TCP11L1: variants seen among roughly 807,000 people sequenced by gnomAD.
The protein encoded by TCP11L1 is T-complex protein 11-like protein 1.
In TCP11L1, 28 loss-of-function variants were observed where a neutral mutation model predicts 48.9. The ratio of observed to expected loss-of-function variants is 0.57; its 90% confidence interval spans 0.42 to 0.78. TCP11L1 has a LOEUF of 0.78. Ranked by LOEUF, TCP11L1 falls within the 30% of genes least tolerant of loss-of-function variation. The pLI is 0.00. For synonymous variants in TCP11L1, 204 were observed against 231.9 expected (o/e 0.88, Z 1.09); for missense variants, 505 against 613.4 (o/e 0.82, Z 1.87).
rs1384732421 is a variant in TCP11L1, at chr11:33,068,758, C to T, written c.1226C>T (p.Ser409Phe). ...TGCCTGGAGGTGAGCAGCTGCCTCT[C>T]CCTGTGTGGGTCCTCTCCCTTCACC... ...KVCLEVSSCLSLCGSSPFTTD... is the reference protein window; with the variant it reads ...KVCLEVSSCLFLCGSSPFTTD... The change falls in exon 9 of 10, where the codon TCC becomes TTC. Residue 409 changes from serine to phenylalanine, a missense_variant. Physicochemically the swap from Ser to Phe is radical, Grantham distance 155. This residue lies in a region of TCP11L1 where 335 missense variants were observed against 413.3 expected (regional missense o/e 0.81). Transcript: ENST00000334274. 6.2e-7 allele frequency: 1 copy of T among 1,614,174 alleles called. No individual in the cohort carries two copies. The highest frequency in any genetic ancestry group is 1.1e-5 in the South Asian group (1 of 91,076).
intron 9 of TCP11L1, among the ~76,000 whole-genome samples, chr11:33,069,161 C>T (rs1854704630): frequency 6.6e-6 from 1 of 152,184 alleles, no homozygotes; most frequent in South Asian, 2.1e-4. Flanking sequence ...GGAATAAGGG[C>T]AGCAACCTTA....
intron 2 of TCP11L1, among the ~76,000 whole-genome samples, chr11:33,047,929 A>G (rs1276742605): frequency 6.6e-6 from 1 of 152,210 alleles, no homozygotes; most frequent in African/African-American, 2.4e-5. Flanking sequence ...AACTAACAGC[A>G]TCTTTTCAGA....
intron 2 of TCP11L1, among the ~76,000 whole-genome samples, 177 bp from the exon 3 acceptor site, chr11:33,054,416 C>G (rs908420524): frequency 6.6e-6 from 1 of 152,042 alleles, no homozygotes; most frequent in Admixed American, 6.6e-5. Flanking sequence ...TTTTAGGATT[C>G]AAGGGTAAAA....
At chr11:33,050,654 A>G (rs1854132327) in intron 2 of TCP11L1, among the ~76,000 whole-genome samples, 1 of 151,798 alleles carries the variant, frequency 6.6e-6, no homozygotes, top group South Asian at 2.1e-4. Context: ...AAAACAAATA[A>G]CAAAAAAACC....
At position 33,057,124 on chromosome 11, in the gene TCP11L1, G is replaced by T. The variant is rs1361892769; in HGVS notation, c.306G>T (p.Lys102Asn). 3 of 1,613,210 alleles carry T rather than the reference G, an allele frequency of 1.9e-6. No homozygotes were observed. Among genetic ancestry groups the T allele is most frequent in the Admixed American group, 1.7e-5 (1 of 59,922 alleles). Residue 102 changes from lysine to asparagine, a missense_variant, in exon 4 of 10, where the codon AAG becomes AAT. Coordinates refer to ENST00000334274, the MANE Select transcript of TCP11L1 (RefSeq NM_018393.4). ...PVELPENSLK[K>N]RVKEIVHKAF... is the part of the protein sequence containing the mutation. ...TTTTTCACTGCCCCAGCTTGAAGAAGAGAGTAAAGGAGATTGTACATAAAG... is the reference window on the plus strand; with the variant it reads ...TTTTTCACTGCCCCAGCTTGAAGAATAGAGTAAAGGAGATTGTACATAAAG...
intron 7 of TCP11L1, among the ~76,000 whole-genome samples, chr11:33,065,126 A>G (rs1854577741): frequency 6.6e-6 from 1 of 152,228 alleles, no homozygotes; most frequent in Non-Finnish European, 1.5e-5. Flanking sequence ...AACAATAAGT[A>G]TAACTTTTAT....
chr11:33,064,712 G>A (rs759056874), intron 7 of TCP11L1, among the ~76,000 whole-genome samples: 6 of 152,204 alleles, frequency 3.9e-5, no homozygotes, highest in Non-Finnish European at 8.8e-5. Context: ...GCTGGGTGCT[G>A]AGCGGATACC....
At chr11:33,053,119 A>C (rs1325037777) in intron 2 of TCP11L1, among the ~76,000 whole-genome samples, 1 of 151,738 alleles carries the variant, frequency 6.6e-6, no homozygotes, top group African/African-American at 2.4e-5. Flanking sequence ...ATGATAGGCT[A>C]AAGTTTGAGA....
At chr11:33,042,615 A>T (rs1035886472) in intron 1 of TCP11L1, among the ~76,000 whole-genome samples, 2 of 152,170 alleles carry the variant, frequency 1.3e-5, no homozygotes, top group African/African-American at 4.8e-5. Context: ...TTTGCCCCAC[A>T]CATTCCTCTT....
intron 8 of TCP11L1, 56 bp downstream of exon 8, chr11:33,066,067 G>A: frequency 6.3e-7 from 1 of 1,592,296 alleles, no homozygotes; most frequent in South Asian, 1.2e-5. Context: ...GAGCCGACTG[G>A]AGTCTCCCAG....
chr11:33,049,248 CAA>C (rs3078634), intron 2 of TCP11L1, among the ~76,000 whole-genome samples: 39,500 of 127,368 alleles, frequency 0.31, 5,644 homozygotes, highest in East Asian at 0.42. Flanking sequence ...GACTCCGTCT[CAA>C]AAAAAAAAAA....
At chr11:33,067,843 G>A (rs1854661725) in intron 8 of TCP11L1, among the ~76,000 whole-genome samples, 1 of 151,820 alleles carries the variant, frequency 6.6e-6, no homozygotes, top group Non-Finnish European at 1.5e-5. Context: ...GGGGACCCAG[G>A]GTATCCAGGT....
intron 8 of TCP11L1, among the ~76,000 whole-genome samples, chr11:33,066,373 G>T (rs1418547123): frequency 6.6e-6 from 1 of 152,162 alleles, no homozygotes; most frequent in Non-Finnish European, 1.5e-5. Context: ...AACGTAATTA[G>T]ATTTATGCCC....
intron 9 of TCP11L1, 51 bp downstream of exon 9, chr11:33,068,910 G>A: frequency 2.2e-5 from 35 of 1,581,884 alleles, no homozygotes; most frequent in Non-Finnish European, 2.9e-5. Flanking sequence ...AGGGGCTGGA[G>A]CACGAGTCCA....
chr11:33,041,720 C>T (rs1254947751), intron 1 of TCP11L1, among the ~76,000 whole-genome samples: 1 of 150,986 alleles, frequency 6.6e-6, no homozygotes, highest in Non-Finnish European at 1.5e-5. Flanking sequence ...GGTGCCACTG[C>T]ACTTCAATCT....
At chr11:33,048,183 C>CTT (rs1215525004) in intron 2 of TCP11L1, among the ~76,000 whole-genome samples, 3 of 118,364 alleles carry the variant, frequency 2.5e-5, no homozygotes, top group Non-Finnish European at 3.6e-5. Context: ...TGTATCTTTA[C>CTT]ATTTTTTTTT....
At chr11:33,052,458 C>T (rs371709058) in intron 2 of TCP11L1, among the ~76,000 whole-genome samples, 6 of 143,840 alleles carry the variant, frequency 4.2e-5, no homozygotes, top group Admixed American at 7.2e-5. Context: ...ACCAGCTCTT[C>T]GATTTGGTTC....
chr11:33,063,511 A>G (rs1024888889), intron 7 of TCP11L1, among the ~76,000 whole-genome samples: 6 of 152,234 alleles, frequency 3.9e-5, no homozygotes, highest in African/African-American at 1.4e-4. Flanking sequence ...GGAAACCACA[A>G]CAGAGGTGTG....
intron 9 of TCP11L1, among the ~76,000 whole-genome samples, chr11:33,070,546 ATGGTGG>A (rs1854752376): frequency 6.6e-6 from 1 of 151,372 alleles, no homozygotes; most frequent in Non-Finnish European, 1.5e-5. Flanking sequence ...TTAGCCAGGC[ATGGTGG>A]TGCATGCCTG....
Sources: gnomAD v4.1 joint callset for allele counts (sites outside exome capture counted in the v4.1 genomes callset) on GRCh38, gnomAD v4.1.1 for gene constraint, gnomAD v4.1.1 regional missense constraint, MANE v1.5 for transcripts, NCBI Gene and HGNC (gene_info 2026-07-23, HGNC 2026-07-21) for gene names.